Variants in LGR6 observed in about 807,000 individuals in gnomAD.
LGR6 encodes leucine-rich repeat-containing G protein-coupled receptor 6.
A neutral mutation model predicts 69.4 loss-of-function variants in LGR6; 45 were observed. The ratio of observed to expected loss-of-function variants is 0.65; its 90% CI spans 0.51 to 0.83. LGR6 has a LOEUF of 0.83. LGR6 is among the 40% of genes least tolerant of loss of function. The probability of loss-of-function intolerance (pLI) is 0.00; values close to 1 mark genes in which losing one functional copy is unlikely to be tolerated. For missense variants in LGR6, 1,108 were observed against 1,246.7 expected, an observed-to-expected ratio of 0.89 and a Z score of 1.68; for synonymous variants, 538 against 555.0, an observed-to-expected ratio of 0.97 and a Z score of 0.43.
intron 1 of LGR6, among the ~76,000 whole-genome samples, chr1:202,218,995 C>T (rs79730163): frequency 0.034 from 5,200 of 152,262 alleles, 311 homozygotes; most frequent in African/African-American, 0.12. Context: ...GCTCAGTGCA[C>T]AGAAGCCCAT....
chr1:202,283,209 ACAATAC>A (rs368168330), intron 6 of LGR6, among the ~76,000 whole-genome samples: 2 of 152,142 alleles, frequency 1.3e-5, no homozygotes, highest in African/African-American at 4.8e-5. Context: ...CTCCATCTCA[ACAATAC>A]CCCCTTCTTC....
At chr1:202,238,183 A>C (rs917210571) in intron 4 of LGR6, among the ~76,000 whole-genome samples, 4 of 149,744 alleles carry the variant, frequency 2.7e-5, no homozygotes, top group Non-Finnish European at 5.9e-5. Flanking sequence ...TGCAACCTCC[A>C]CCTCCTAGGC....
Position 202,280,870 on chromosome 1 carries a change from G to C in LGR6, c.716+18G>C, listed in dbSNP as rs1200444436. Reference sequence around the variant, plus strand: ...GAGACACTGTGAGTTTTGAGGTCTTGGTCAAACTCTGTCCTGCCTGGTGAT... The same window carrying C: ...GAGACACTGTGAGTTTTGAGGTCTTCGTCAAACTCTGTCCTGCCTGGTGAT... On this transcript the variant is annotated intron_variant, in intron 6 of 17. Coordinates refer to ENST00000367278, the MANE Select transcript of LGR6 (RefSeq NM_001017403.2). 1 of 1,608,004 alleles carries C rather than the reference G, an allele frequency of 6.2e-7. No homozygotes were observed. The highest frequency in any genetic ancestry group is 1.1e-5 in the South Asian group (1 of 90,204).
rs568621433 is a variant in LGR6, at chr1:202,251,113, G to A, written c.428+15120G>A. On this transcript the variant is annotated intron_variant, in intron 4 of 17. Transcript: ENST00000367278. ...CTACCCAAGGGGTTTAAAACGAGAC[G>A]ATCACAGATGACGGCCTGATATAGG... is the stretch of plus-strand genomic sequence containing the variant. 9.2e-4 allele frequency among the ~76,000 whole-genome samples: 140 copies of A among 152,222 alleles called. 1 individual carries two copies. Among genetic ancestry groups the A allele is most frequent in the African/African-American group, 3.2e-3 (134 of 41,522 alleles).
At chr1:202,308,150 C>T (rs1349551883) in intron 14 of LGR6, among the ~76,000 whole-genome samples, 1 of 152,226 alleles carries the variant, frequency 6.6e-6, no homozygotes, top group Non-Finnish European at 1.5e-5. Context: ...CAGGTGAGGC[C>T]TCCAAGGCCC....
intron 4 of LGR6, among the ~76,000 whole-genome samples, chr1:202,239,135 A>G (rs1190540483): frequency 1.3e-5 from 2 of 152,172 alleles, no homozygotes; most frequent in East Asian, 3.9e-4. Context: ...TCTTCCAACC[A>G]GGGTAGGTGT....
At chr1:202,203,644 G>A (rs566992879) in intron 1 of LGR6, 1 of 631,984 alleles carries the variant, frequency 1.6e-6, no homozygotes, top group Non-Finnish European at 2.8e-6. Flanking sequence ...AGAGAGATAA[G>A]ACAAGCGCAA....
chr1:202,243,303 A>G (rs1662367797), intron 4 of LGR6, among the ~76,000 whole-genome samples: 1 of 151,992 alleles, frequency 6.6e-6, no homozygotes, highest in Non-Finnish European at 1.5e-5. Context: ...TTCTAGAGTT[A>G]AGGGGAGCCT....
At chr1:202,195,458 C>A (rs1468845799) in intron 1 of LGR6, among the ~76,000 whole-genome samples, 2 of 152,222 alleles carry the variant, frequency 1.3e-5, no homozygotes, top group Non-Finnish European at 2.9e-5. Context: ...AAGGCACAGG[C>A]TGTGGGCCAG....
intron 4 of LGR6, among the ~76,000 whole-genome samples, chr1:202,276,013 G>T (rs1665515698): frequency 6.6e-6 from 1 of 152,130 alleles, no homozygotes; most frequent in African/African-American, 2.4e-5. Context: ...AGAACTGTGG[G>T]TTGGTGGGAG....
chr1:202,252,600 T>C (rs890180935), intron 4 of LGR6, among the ~76,000 whole-genome samples: 4 of 152,146 alleles, frequency 2.6e-5, no homozygotes, highest in African/African-American at 9.7e-5. Context: ...GCCAGGGGCA[T>C]GGAGAAGAAC....
chr1:202,225,423 G>A lies in LGR6; in HGVS notation c.213G>A (p.Leu71=). Residue 71 remains leucine (L), a splice_region_variant and synonymous_variant, in exon 2 of 18, where the codon CTG becomes CTA. Transcript: ENST00000367278. Reference sequence around the variant, plus strand: ...CCTTTTTCCATCTTCTCTCCACCAGGGACCTCAGCATGAACAACCTCACAG... The same window carrying A: ...CCTTTTTCCATCTTCTCTCCACCAGAGACCTCAGCATGAACAACCTCACAG... ...PGDLDPLTAY[L]DLSMNNLTEL... The A allele has an allele frequency of 6.2e-7, 1 of 1,613,700 alleles. No homozygotes were observed. Among genetic ancestry groups the A allele is most frequent in the Non-Finnish European group, 8.5e-7 (1 of 1,179,662 alleles).
intron 1 of LGR6, among the ~76,000 whole-genome samples, chr1:202,205,082 CCACA>C (rs1240547455): frequency 1.0e-4 from 2 of 19,210 alleles, no homozygotes; most frequent in Non-Finnish European, 1.9e-4. Context: ...CACACCTCCT[CCACA>C]CACACACACG....
intron 1 of LGR6, among the ~76,000 whole-genome samples, chr1:202,196,577 C>T (rs980127762): frequency 7.2e-5 from 11 of 152,190 alleles, no homozygotes; most frequent in Admixed American, 3.9e-4. Flanking sequence ...TCACTGAACA[C>T]CTCTAAGCCT....
At position 202,318,867 on chromosome 1, in the gene LGR6, C is replaced by T. The variant is rs151005854; in HGVS notation, c.2564C>T (p.Ala855Val). The change falls in exon 18 of 18, where the codon GCG becomes GTG. Residue 855 changes from alanine (A) to valine (V), a missense_variant. Transcript: ENST00000367278. The part of the protein sequence containing the change: ...AGDSGPLAYA[A>V]AGELEKSSCD... ...GACTCAGGGCCCCTAGCCTATGCTG[C>T]GGCCGGGGAGCTGGAGAAGAGCTCC... The T allele has an allele frequency of 2.5e-5, 41 of 1,613,500 alleles. No individual in the cohort carries two copies. The highest frequency in any genetic ancestry group is 1.6e-4 in the East Asian group (7 of 44,894).
intron 13 of LGR6, 113 bp from the exon 14 acceptor site, chr1:202,307,217 T>G (rs1572011296): frequency 9.7e-7 from 1 of 1,032,972 alleles, no homozygotes; most frequent in African/African-American, 1.6e-5. Context: ...AAGGCAAAGG[T>G]TACTGTTACT....
chr1:202,196,687 A>C (rs1557999941), intron 1 of LGR6, among the ~76,000 whole-genome samples: 10 of 152,206 alleles, frequency 6.6e-5, no homozygotes, highest in Admixed American at 3.9e-4. Flanking sequence ...CTGACACCCG[A>C]GGGTAACTCT....
chr1:202,307,857 A>C (rs974874174), intron 14 of LGR6, among the ~76,000 whole-genome samples: 4 of 152,142 alleles, frequency 2.6e-5, no homozygotes, highest in African/African-American at 9.7e-5. Context: ...CCTTTAAATT[A>C]CATAGGATGT....
At chr1:202,298,259 A>C (rs1199559942) in intron 7 of LGR6, among the ~76,000 whole-genome samples, 1 of 152,188 alleles carries the variant, frequency 6.6e-6, no homozygotes, top group East Asian at 1.9e-4. Context: ...CATTGTGGAC[A>C]AATCCTGAGA....
Sources: allele counts gnomAD v4.1 joint callset (sites outside exome capture counted in the v4.1 genomes callset), GRCh38; gene constraint gnomAD v4.1.1; transcripts MANE v1.5; gene names NCBI Gene and HGNC (gene_info 2026-07-23, HGNC 2026-07-21).